Variants in GRM8 observed in about 807,000 individuals in gnomAD.
GRM8 encodes the protein metabotropic glutamate receptor 8.
GRM8 carries 47 observed loss-of-function variants against 87.2 expected under a neutral mutation model. The observed-to-expected ratio is 0.54, with a 90% confidence interval of 0.43 to 0.69. GRM8 has a LOEUF of 0.69. Ranked by LOEUF, GRM8 falls within the 30% of genes least tolerant of loss-of-function variation. The pLI is 0.00. For missense variants in GRM8, 1,019 were observed against 1,139.2 expected, an observed-to-expected ratio of 0.89 and a Z score of 1.52; for synonymous variants, 396 against 404.5, an observed-to-expected ratio of 0.98 and a Z score of 0.25.
At chr7:127,053,826 G>C (rs1206827183) in intron 3 of GRM8, among the ~76,000 whole-genome samples, 1 of 145,730 alleles carries the variant, frequency 6.9e-6, no homozygotes, top group Non-Finnish European at 1.5e-5. Context: ...ATTTCATCTT[G>C]GTTATTATAC....
chr7:127,047,428 T>C (rs1209043937), intron 3 of GRM8, among the ~76,000 whole-genome samples: 2 of 152,110 alleles, frequency 1.3e-5, no homozygotes, highest in Non-Finnish European at 2.9e-5. Flanking sequence ...CTAATCTCTG[T>C]TCCTTCTACC....
chr7:127,007,956 C>T (rs566489242), intron 3 of GRM8, among the ~76,000 whole-genome samples: 39 of 152,060 alleles, frequency 2.6e-4, no homozygotes, highest in Admixed American at 1.1e-3. Context: ...AGTCAATTTA[C>T]CAGATCCTCT....
Position 127,243,235 on chromosome 7 carries a change from C to A in GRM8, c.-31G>T. On this transcript the variant is annotated 5_prime_UTR_variant, in exon 2 of 11. Transcript: ENST00000339582. ...CCACAGGTGGTATTGCAATCCAAGA[C>A]CCAAAGTTTATTCTTGCCACAGAAG... 6.3e-7 allele frequency: 1 copy of A among 1,575,784 alleles called. No individual in the cohort carries two copies. The highest frequency in any genetic ancestry group is 8.6e-7 in the Non-Finnish European group (1 of 1,166,698).
chr7:126,738,485 G>A (rs1254156515), intron 7 of GRM8, among the ~76,000 whole-genome samples: 1 of 152,086 alleles, frequency 6.6e-6, no homozygotes, highest in Non-Finnish European at 1.5e-5. Context: ...CAGGTTGGAT[G>A]CTGTTTAACT....
intron 2 of GRM8, among the ~76,000 whole-genome samples, chr7:127,153,780 G>A (rs940403136): frequency 2.0e-5 from 3 of 152,188 alleles, no homozygotes; most frequent in East Asian, 3.9e-4. Context: ...ATTAGAAATG[G>A]CAAATATCTG....
chr7:126,650,218 G>C (rs1444587038), intron 7 of GRM8, among the ~76,000 whole-genome samples: 1 of 152,126 alleles, frequency 6.6e-6, no homozygotes, highest in African/African-American at 2.4e-5. Context: ...GATTGGGTTT[G>C]AGCAGGTCCT....
At chr7:126,663,363 C>G (rs1313100330) in intron 7 of GRM8, among the ~76,000 whole-genome samples, 2 of 152,148 alleles carry the variant, frequency 1.3e-5, no homozygotes, top group African/African-American at 4.8e-5. Context: ...AGGCCAATAT[C>G]CCTGATGAAC....
intron 3 of GRM8, among the ~76,000 whole-genome samples, chr7:127,091,446 C>T (rs1313938425): frequency 9.5e-5 from 9 of 94,842 alleles, no homozygotes; most frequent in African/African-American, 3.4e-4. Context: ...CCACCACCAT[C>T]CCACTGGTCA....
In GRM8 at chr7:127,243,288, C is replaced by A; in HGVS notation, c.-84G>T. The stretch of plus-strand genomic sequence containing the variant: ...AGGGCACCACCTGAGGCTGCACCTT[C>A]TGGAGGCTACCATCAGGGCCCATGG... On this transcript the variant is annotated 5_prime_UTR_variant, in exon 2 of 11. Transcript: ENST00000339582. 7.9e-7 allele frequency: 1 copy of A among 1,260,018 alleles called. No homozygotes were observed. Among genetic ancestry groups the A allele is most frequent in the Non-Finnish European group, 1.1e-6 (1 of 910,750 alleles). The allele number at this position is 1,260,018 out of a possible 1,614,324, so 78.1% of individuals were successfully genotyped here.
intron 6 of GRM8, chr7:126,869,899 C>T (rs1038172628): frequency 4.4e-5 from 6 of 137,240 alleles, no homozygotes; most frequent in Admixed American, 1.6e-4. Flanking sequence ...TCCTTTGAAG[C>T]TCTGAAGCCA....
intron 2 of GRM8, among the ~76,000 whole-genome samples, chr7:127,195,392 A>G (rs964778291): frequency 6.6e-6 from 1 of 152,286 alleles, no homozygotes; most frequent in South Asian, 2.1e-4. Context: ...GGACGGGGGA[A>G]AATCTTAACT....
At chr7:126,588,879 G>A (rs930919485) in intron 8 of GRM8, among the ~76,000 whole-genome samples, 14 of 152,148 alleles carry the variant, frequency 9.2e-5, no homozygotes, top group African/African-American at 3.4e-4. Flanking sequence ...GGTTATGGGA[G>A]AAGGATTTGA....
intron 7 of GRM8, among the ~76,000 whole-genome samples, chr7:126,633,327 G>A (rs1361982): frequency 0.14 from 20,829 of 152,060 alleles, 1,742 homozygotes; most frequent in South Asian, 0.22. Flanking sequence ...AAGTTGGCCA[G>A]ACTTGAACTG....
intron 7 of GRM8, among the ~76,000 whole-genome samples, chr7:126,760,098 T>C (rs1302204094): frequency 1.3e-5 from 2 of 152,172 alleles, no homozygotes; most frequent in Non-Finnish European, 2.9e-5. Context: ...CATTCAAGGC[T>C]CATTACTGCA....
At chr7:127,250,050 G>A (rs1337989777) in intron 1 of GRM8, among the ~76,000 whole-genome samples, 1 of 152,230 alleles carries the variant, frequency 6.6e-6, no homozygotes, top group Non-Finnish European at 1.5e-5. Flanking sequence ...GTGGTAGGAA[G>A]GAAACTTGGA....
intron 6 of GRM8, among the ~76,000 whole-genome samples, chr7:126,786,674 TACA>T (rs1406109855): frequency 6.6e-6 from 1 of 152,196 alleles, no homozygotes; most frequent in Non-Finnish European, 1.5e-5. Flanking sequence ...TTATTTTTAG[TACA>T]ATTCTATAAC....
At chr7:127,080,708 T>C (rs1282048257) in intron 3 of GRM8, 1 of 152,098 alleles carries the variant, frequency 6.6e-6, no homozygotes, top group African/African-American at 2.4e-5. Context: ...TCTATAGATG[T>C]CACCATTTAC....
chr7:127,187,787 T>C (rs1379546259), intron 2 of GRM8, among the ~76,000 whole-genome samples: 1 of 152,180 alleles, frequency 6.6e-6, no homozygotes, highest in Non-Finnish European at 1.5e-5. Flanking sequence ...GAATAATTTT[T>C]CTCCAATACA....
chr7:126,505,499 C>T (rs1810314017), intron 9 of GRM8, among the ~76,000 whole-genome samples: 2 of 151,942 alleles, frequency 1.3e-5, no homozygotes, highest in African/African-American at 2.4e-5. Flanking sequence ...CTGAGGTTCC[C>T]CAAACTAAAT....
Sources: allele counts gnomAD v4.1 joint callset (sites outside exome capture counted in the v4.1 genomes callset), GRCh38; gene constraint gnomAD v4.1.1; transcripts MANE v1.5; gene names NCBI Gene and HGNC (gene_info 2026-07-23, HGNC 2026-07-21).